Variants in FMN2 observed in about 807,000 individuals in gnomAD.
FMN2 encodes formin-2.
FMN2 carries 51 observed loss-of-function variants against 142.3 expected under a neutral mutation model. The observed-to-expected ratio is 0.36, with a 90% CI of 0.29 to 0.45. FMN2 has a LOEUF of 0.45. Ranked by LOEUF, FMN2 falls within the 20% of genes least tolerant of loss-of-function variation. The pLI, the probability that FMN2 is intolerant of heterozygous loss-of-function variation, is 1.00. For missense variants in FMN2, 1,936 were observed against 2,122.8 expected, an observed-to-expected ratio of 0.91 and a Z score of 1.73; for synonymous variants, 882 against 869.8, an observed-to-expected ratio of 1.01 and a Z score of -0.25.
At chr1:240,348,208 A>ACGT in intron 13 of FMN2, among the ~76,000 whole-genome samples, 1 of 149,272 alleles carries the variant, frequency 6.7e-6, no homozygotes, top group Admixed American at 6.7e-5. Context: ...TTGCCAGTAT[A>ACGT]TGTTGTTTTT....
intron 6 of FMN2, among the ~76,000 whole-genome samples, chr1:240,228,329 AAAAGAAAAAGAAAAAGAAAAAGAAAG>A (rs1219692365): frequency 2.8e-4 from 19 of 67,166 alleles, no homozygotes; most frequent in African/African-American, 5.3e-4. Context: ...AAAAAAAAAA[AAAAGAAAAAGAAAAAGAAAAAGAAAG>A]AAAAAAAATG....
At chr1:240,244,733 A>G (rs890175776) in intron 6 of FMN2, among the ~76,000 whole-genome samples, 2 of 152,222 alleles carry the variant, frequency 1.3e-5, no homozygotes, top group Non-Finnish European at 2.9e-5. Context: ...TAAAACATAC[A>G]TATTCCAGGG....
In FMN2 at chr1:240,211,159, A is replaced by G; in HGVS notation, c.3989A>G (p.Glu1330Gly). ...EPSIDCHEFE[E>G]LFSKTAVKER... The stretch of plus-strand genomic sequence containing the variant: ...TCCATAGATTGTCATGAATTTGAGG[A>G]ATTATTTTCTAAAACTGCTGTAAAG... The change falls in exon 6 of 18, where the codon GAA becomes GGA. Residue 1330 changes from glutamate to glycine, a missense_variant. Transcript: ENST00000319653. The G allele has an allele frequency of 6.2e-7, 1 of 1,613,590 alleles. No homozygotes were observed. The highest frequency in any genetic ancestry group is 1.1e-5 in the South Asian group (1 of 91,056).
intron 3 of FMN2, among the ~76,000 whole-genome samples, chr1:240,187,660 A>G (rs1665537682): frequency 6.6e-6 from 1 of 152,216 alleles, no homozygotes; most frequent in Non-Finnish European, 1.5e-5. Context: ...TCTTTTTAGA[A>G]TGATGAATTT....
chr1:240,439,658 C>T (rs1189073341), intron 16 of FMN2, among the ~76,000 whole-genome samples: 4 of 152,090 alleles, frequency 2.6e-5, no homozygotes, highest in South Asian at 2.1e-4. Flanking sequence ...GCATCAGTAA[C>T]GTAAAATATG....
At chr1:240,435,622 C>T (rs1675340046) in intron 15 of FMN2, among the ~76,000 whole-genome samples, 1 of 152,138 alleles carries the variant, frequency 6.6e-6, no homozygotes, top group Admixed American at 6.5e-5. Flanking sequence ...CATTGGACTT[C>T]AGAACAACTG....
chr1:240,355,986 A>G (rs1384069954), intron 14 of FMN2, 78 bp downstream of exon 14: 1 of 810,762 alleles, frequency 1.2e-6, no homozygotes, highest in Non-Finnish European at 1.8e-6. Flanking sequence ...AAAAAAAAAA[A>G]GCTACAAGGC....
intron 4 of FMN2, among the ~76,000 whole-genome samples, chr1:240,195,668 A>G (rs1665885224): frequency 6.6e-6 from 1 of 152,216 alleles, no homozygotes; most frequent in Non-Finnish European, 1.5e-5. Flanking sequence ...ATGTTCACAA[A>G]GACTTTATAG....
In FMN2 at chr1:240,255,571, C is replaced by A. The variant is rs138248029; in HGVS notation, c.4066-2374C>A. On this transcript the variant is annotated intron_variant, in intron 6 of 17. Coordinates refer to ENST00000319653, the MANE Select transcript of FMN2 (RefSeq NM_020066.5). ...GCAAATACAGAGCAGCTGTAATTGGCAGGACTTGATACCAGACCAGAGTAT... is the reference window on the plus strand; with the variant it reads ...GCAAATACAGAGCAGCTGTAATTGGAAGGACTTGATACCAGACCAGAGTAT... Among the ~76,000 whole-genome samples, 864 of 152,126 alleles carry A rather than the reference C, an allele frequency of 5.7e-3. 8 individuals are homozygous for A. Among genetic ancestry groups the A allele is most frequent in the South Asian group, 0.012 (58 of 4,816 alleles).
intron 6 of FMN2, among the ~76,000 whole-genome samples, chr1:240,228,334 A>AAAAAAAAAAAAAAAAAAAAAG (rs1667411462): frequency 1.4e-5 from 1 of 73,018 alleles, no homozygotes; most frequent in Non-Finnish European, 2.5e-5. Flanking sequence ...AAAAAAAAAG[A>AAAAAAAAAAAAAAAAAAAAAG]AAAAGAAAAA....
chr1:240,169,039 C>T (rs375436919), intron 2 of FMN2, among the ~76,000 whole-genome samples: 9 of 152,162 alleles, frequency 5.9e-5, no homozygotes, highest in East Asian at 1.9e-4. Context: ...GGTGAAACCC[C>T]GTCTTTACTA....
chr1:240,212,894 A>G (rs901781310), intron 6 of FMN2, among the ~76,000 whole-genome samples: 2 of 152,074 alleles, frequency 1.3e-5, no homozygotes, highest in Admixed American at 1.3e-4. Context: ...TACTCAGAAA[A>G]TTGAGCCATG....
chr1:240,192,040 A>G (rs1356568315), intron 4 of FMN2, among the ~76,000 whole-genome samples: 1 of 152,236 alleles, frequency 6.6e-6, no homozygotes, highest in East Asian at 1.9e-4. Context: ...TCTATATGCA[A>G]ATAAATTCTC....
intron 16 of FMN2, among the ~76,000 whole-genome samples, chr1:240,465,313 C>CT (rs1246882437): frequency 6.6e-6 from 1 of 151,524 alleles, no homozygotes; most frequent in East Asian, 1.9e-4. Context: ...CACACACTCC[C>CT]TACCTTATGC....
At chr1:240,245,960 C>G (rs1668067415) in intron 6 of FMN2, among the ~76,000 whole-genome samples, 1 of 152,010 alleles carries the variant, frequency 6.6e-6, no homozygotes, top group Non-Finnish European at 1.5e-5. Flanking sequence ...GCGGGCGGAT[C>G]ACGAGGTCAG....
At position 240,370,550 on chromosome 1, in the gene FMN2, G is replaced by A. The variant is rs374190156; in HGVS notation, c.4858+14642G>A. Among the ~76,000 whole-genome samples the A allele has an allele frequency of 1.7e-4, 26 of 152,216 alleles. No homozygotes were observed. In the East Asian group the frequency reaches 3.5e-3, roughly 20 times the overall value. On this transcript the variant is annotated intron_variant, in intron 14 of 17. Coordinates refer to ENST00000319653, the MANE Select transcript of FMN2 (RefSeq NM_020066.5). ...ACAGCCCGAAATGTTGAGCTGCTGG[G>A]TCAAAAGCAGTATTAGCCTTATTCT...
intron 7 of FMN2, among the ~76,000 whole-genome samples, chr1:240,275,287 T>C (rs1669165357): frequency 6.6e-6 from 1 of 151,706 alleles, no homozygotes; most frequent in South Asian, 2.1e-4. Flanking sequence ...CCCCTCTCTG[T>C]GTCCATGTGT....
intron 8 of FMN2, among the ~76,000 whole-genome samples, chr1:240,316,172 AT>A (rs2102993644): frequency 6.6e-6 from 1 of 152,336 alleles, no homozygotes; most frequent in African/African-American, 2.4e-5. Context: ...AAACCAAATA[AT>A]TAAAACCTAT....
At position 240,092,026 on chromosome 1, in the gene FMN2, C is replaced by T; in HGVS notation, c.-84C>T. ...GCCGCCGCCTGACTCTCCCGGGAGA[C>T]TCCCTAGGCCCGGACCTGGGGCCGA... On this transcript the variant is annotated 5_prime_UTR_variant, in exon 1 of 18. Transcript: ENST00000319653. 7.0e-7 allele frequency: 1 copy of T among 1,436,190 alleles called. No homozygotes were observed. The highest frequency in any genetic ancestry group is 1.5e-5 in the South Asian group (1 of 66,884). The allele number at this position is 1,436,190 out of a possible 1,614,324, so 89.0% of individuals were successfully genotyped here.
Sources: allele counts gnomAD v4.1 joint callset (sites outside exome capture counted in the v4.1 genomes callset), GRCh38; gene constraint gnomAD v4.1.1; transcripts MANE v1.5; gene names NCBI Gene and HGNC (gene_info 2026-07-23, HGNC 2026-07-21).